The following CLEC16A variants were observed in gnomAD, a reference collection of about 807,000 sequenced individuals.
CLEC16A encodes the protein protein CLEC16A.
CLEC16A carries 51 observed loss-of-function variants against 109.5 expected under a neutral mutation model. That is an observed-to-expected ratio of 0.47 (90% confidence interval 0.37 to 0.59). CLEC16A has a LOEUF of 0.59. Ranked by LOEUF, CLEC16A falls within the 20% of genes least tolerant of loss-of-function variation. The probability of loss-of-function intolerance (pLI) is 0.00; values close to 1 mark genes in which losing one functional copy is unlikely to be tolerated. For missense variants in CLEC16A, 1,339 were observed against 1,394.0 expected (o/e 0.96, Z 0.63); for synonymous variants, 673 against 564.2 (o/e 1.19, Z -2.73).
intron 22 of CLEC16A, among the ~76,000 whole-genome samples, chr16:11,157,484 T>A (rs1184996848): frequency 6.6e-6 from 1 of 152,228 alleles, no homozygotes; most frequent in East Asian, 1.9e-4. Flanking sequence ...CTGAGACTTA[T>A]TAAAGGGATA....
In CLEC16A at chr16:11,003,190, T is replaced by TGGGGAAGAAGAAGATGA; in HGVS notation, c.1191_1207dup (p.Glu403GlyfsTer43). ...AAAAGAGACCCAACTACAAAAACGT[T>TGGGGAAGAAGAAGATGA]GGGGAAGAAGAAGATGAGGAGAAAG... On this transcript the variant is annotated frameshift_variant, in exon 11 of 24. Coordinates refer to ENST00000409790, the MANE Select transcript of CLEC16A (RefSeq NM_015226.3). LOFTEE classifies it high-confidence loss of function. The TGGGGAAGAAGAAGATGA allele has an allele frequency of 1.2e-6, 2 of 1,610,996 alleles. No individual in the cohort carries two copies. The highest frequency in any genetic ancestry group is 1.7e-6 in the Non-Finnish European group (2 of 1,179,454).
At chr16:11,045,564 G>A (rs1018038456) in intron 16 of CLEC16A, among the ~76,000 whole-genome samples, 12 of 152,130 alleles carry the variant, frequency 7.9e-5, no homozygotes, top group Admixed American at 5.9e-4. Flanking sequence ...GTGGTGGGGA[G>A]CAGAAACACT....
intron 23 of CLEC16A, among the ~76,000 whole-genome samples, chr16:11,176,553 G>A (rs773770957): frequency 2.0e-5 from 3 of 152,086 alleles, no homozygotes; most frequent in Admixed American, 6.5e-5. Context: ...CCTGGGCAAC[G>A]TAATGAGACC....
intron 22 of CLEC16A, among the ~76,000 whole-genome samples, chr16:11,127,941 G>C (rs937990369): frequency 7.9e-5 from 12 of 152,234 alleles, no homozygotes; most frequent in African/African-American, 2.7e-4. Context: ...GTGATGAAAT[G>C]TGAGATGATT....
At chr16:11,100,789 G>A (rs924274556) in intron 19 of CLEC16A, among the ~76,000 whole-genome samples, 1 of 152,232 alleles carries the variant, frequency 6.6e-6, no homozygotes, top group Non-Finnish European at 1.5e-5. Context: ...ATTAGCATGG[G>A]TATATGTTTG....
At chr16:11,061,692 C>T (rs538380098) in intron 19 of CLEC16A, among the ~76,000 whole-genome samples, 6 of 152,278 alleles carry the variant, frequency 3.9e-5, no homozygotes, top group East Asian at 1.9e-4. Flanking sequence ...TGTTTCTTAA[C>T]GGCATTGTGG....
At chr16:11,157,926 T>G (rs770817471) in intron 22 of CLEC16A, among the ~76,000 whole-genome samples, 1 of 152,078 alleles carries the variant, frequency 6.6e-6, no homozygotes, top group African/African-American at 2.4e-5. Flanking sequence ...CAGAGCTGCT[T>G]CTTGAGTCAG....
intron 22 of CLEC16A, among the ~76,000 whole-genome samples, chr16:11,131,370 G>C (rs774625915): frequency 6.6e-6 from 1 of 152,258 alleles, no homozygotes; most frequent in Non-Finnish European, 1.5e-5. Flanking sequence ...AGACCCCAGA[G>C]CAGAAGCTGT....
At chr16:11,027,235 G>A (rs945483253) in intron 13 of CLEC16A, 18 of 1,519,996 alleles carry the variant, frequency 1.2e-5, no homozygotes, top group Admixed American at 3.3e-5. Context: ...CATCTCAGAC[G>A]ACTAGAAGTG....
At position 11,181,978 on chromosome 16, in the gene CLEC16A, A is replaced by G. The variant is rs2068970734; in HGVS notation, c.*3288A>G. On this transcript the variant is annotated 3_prime_UTR_variant, in exon 24 of 24. Transcript: ENST00000409790. ...TGTACGAGTTCCTTATGTTTCCTTG[A>G]GCTAAAAATATGTAAATAATTTTTG... is the stretch of plus-strand genomic sequence containing the variant. 6.6e-6 allele frequency: 1 copy of G among 152,570 alleles called. No individual in the cohort carries two copies. Among genetic ancestry groups the G allele is most frequent in the African/African-American group, 2.4e-5 (1 of 41,414 alleles). 9.5% of individuals were successfully genotyped at this position (152,570 alleles called of 1,614,324 possible). A position where few individuals can be genotyped will look rare whatever the true frequency, so the allele number is the denominator to read the frequency against.
chr16:10,974,733 G>C (rs748756894), intron 7 of CLEC16A, among the ~76,000 whole-genome samples: 1 of 152,342 alleles, frequency 6.6e-6, no homozygotes. Flanking sequence ...AAAGCTAGAA[G>C]CCTTATGGAT....
In CLEC16A at chr16:11,043,707, A is replaced by G. The variant is rs541340985; in HGVS notation, c.1771-321A>G. 1.6e-4 allele frequency among the ~76,000 whole-genome samples: 24 copies of G among 152,234 alleles called. No individual in the cohort carries two copies. In the South Asian group the frequency reaches 5.0e-3, roughly 32 times the overall value. ...TGGTGAAGCCCCATCTCTACTAAAA[A>G]TACAAAAATTAGCCAGGCATGGTGA... On this transcript the variant is annotated intron_variant, in intron 15 of 23. Transcript: ENST00000409790.
At chr16:10,946,354 C>A (rs2145582009) in intron 1 of CLEC16A, among the ~76,000 whole-genome samples, 1 of 152,246 alleles carries the variant, frequency 6.6e-6, no homozygotes, top group African/African-American at 2.4e-5. Context: ...TGTGACCTTT[C>A]TAGCATGGAG....
chr16:11,028,553 A>C (rs1340335885), intron 13 of CLEC16A, among the ~76,000 whole-genome samples: 1 of 152,150 alleles, frequency 6.6e-6, no homozygotes. Context: ...GAAAAAAAAA[A>C]AAAAAGAAGC....
intron 18 of CLEC16A, among the ~76,000 whole-genome samples, chr16:11,060,162 A>T (rs894773905): frequency 2.6e-5 from 4 of 152,180 alleles, no homozygotes; most frequent in African/African-American, 7.2e-5. Context: ...TGGGCCAGGA[A>T]TCCCTGTGCT....
At chr16:11,167,041 C>T (rs939264795) in intron 23 of CLEC16A, among the ~76,000 whole-genome samples, 2 of 152,082 alleles carry the variant, frequency 1.3e-5, no homozygotes, top group Admixed American at 6.6e-5. Flanking sequence ...GTGATGAAGT[C>T]GTATCTTGCC....
chr16:11,009,303 G>A (rs9926615), intron 11 of CLEC16A, among the ~76,000 whole-genome samples: 74,171 of 152,034 alleles, frequency 0.49, 19,410 homozygotes, highest in African/African-American at 0.69. Context: ...TAATAATTCC[G>A]TTATATGGCT....
intron 19 of CLEC16A, among the ~76,000 whole-genome samples, chr16:11,084,111 C>A (rs1346238571): frequency 1.3e-5 from 2 of 152,016 alleles, no homozygotes; most frequent in Non-Finnish European, 2.9e-5. Context: ...CCCTTTTAGT[C>A]CCCTGCTTGC....
chr16:11,080,180 G>A lies in CLEC16A; in HGVS notation c.2116+19158G>A, dbSNP rs111307423. On this transcript the variant is annotated intron_variant, in intron 19 of 23. Coordinates refer to ENST00000409790, the MANE Select transcript of CLEC16A (RefSeq NM_015226.3). ...GCGTCCATCCATCATTTGCTGAATG[G>A]TAGGCACTGTGCTAGCCACCAGAAA... Among the ~76,000 whole-genome samples, 241 of 152,310 alleles carry A rather than the reference G, an allele frequency of 1.6e-3. 1 individual carries two copies. Among genetic ancestry groups the A allele is most frequent in the African/African-American group, 5.5e-3 (227 of 41,566 alleles).
Sources: allele counts gnomAD v4.1 joint callset (sites outside exome capture counted in the v4.1 genomes callset), GRCh38; gene constraint gnomAD v4.1.1; transcripts MANE v1.5; gene names NCBI Gene and HGNC (gene_info 2026-07-23, HGNC 2026-07-21).